ARMH4: variants seen among roughly 807,000 people sequenced by gnomAD.
The protein encoded by ARMH4 is armadillo like helical domain containing 4, also known as armadillo-like helical domain-containing protein 4.
Under a neutral mutation model 61.9 loss-of-function variants are expected in ARMH4, and 49 were observed. That is an observed-to-expected ratio of 0.79 (90% CI 0.63 to 1.00). The LOEUF is 1.00. Ranked by LOEUF, ARMH4 falls within the 50% of genes least tolerant of loss-of-function variation. The pLI, the probability that ARMH4 is intolerant of heterozygous loss-of-function variation, is 0.00. For missense variants in ARMH4, 934 were observed against 930.0 expected (o/e 1.00, Z -0.06); for synonymous variants, 368 against 341.5 (o/e 1.08, Z -0.85).
At chr14:58,147,316 G>GTTATTTTT (rs1424192920) in intron 1 of ARMH4, among the ~76,000 whole-genome samples, 1 of 132,526 alleles carries the variant, frequency 7.5e-6, no homozygotes, top group African/African-American at 2.8e-5. Flanking sequence ...AATCCAGATG[G>GTTATTTTT]TTTTTTTTTT....
At chr14:58,016,941 C>T (rs1882635401) in intron 5 of ARMH4, among the ~76,000 whole-genome samples, 1 of 152,160 alleles carries the variant, frequency 6.6e-6, no homozygotes, top group Non-Finnish European at 1.5e-5. Flanking sequence ...CTCACTCTTG[C>T]CACTTATATT....
intron 1 of ARMH4, among the ~76,000 whole-genome samples, chr14:58,151,158 T>G (rs1297286557): frequency 6.6e-6 from 1 of 152,148 alleles, no homozygotes; most frequent in East Asian, 1.9e-4. Context: ...TCTCCTCTCT[T>G]CCACATCAGT....
rs1438198514 is a variant in ARMH4, at chr14:58,152,076, T to C, written c.-58A>G. On this transcript the variant is annotated splice_region_variant and 5_prime_UTR_variant, in exon 1 of 8. Coordinates refer to ENST00000267485, the MANE Select transcript of ARMH4 (RefSeq NM_001001872.4). Reference sequence around the variant, plus strand: ...GGCCGGAGCCGGGCCCGTCCTCACCTGTGCGCCTTCAGCTGAGCAGCGCGC... The same window carrying C: ...GGCCGGAGCCGGGCCCGTCCTCACCCGTGCGCCTTCAGCTGAGCAGCGCGC... 1 of 153,626 alleles carries C rather than the reference T, an allele frequency of 6.5e-6. No homozygotes were observed. The highest frequency in any genetic ancestry group is 1.9e-4 in the East Asian group (1 of 5,190). The allele number at this position is 153,626 out of a possible 1,614,324, so 9.5% of individuals were successfully genotyped here.
chr14:58,022,914 A>G (rs935779943), intron 5 of ARMH4, among the ~76,000 whole-genome samples: 3 of 152,234 alleles, frequency 2.0e-5, no homozygotes, highest in African/African-American at 7.2e-5. Flanking sequence ...TGTCTGTAAA[A>G]GTTATATTTG....
intron 5 of ARMH4, among the ~76,000 whole-genome samples, chr14:58,057,633 G>A (rs184848752): frequency 5.9e-5 from 9 of 152,076 alleles, no homozygotes; most frequent in Non-Finnish European, 1.3e-4. Flanking sequence ...AGCGTGGCAG[G>A]TAGATGTAGT....
At chr14:58,039,093 A>C (rs1271618425) in intron 5 of ARMH4, among the ~76,000 whole-genome samples, 1 of 152,130 alleles carries the variant, frequency 6.6e-6, no homozygotes, top group East Asian at 1.9e-4. Context: ...ACCTGTGCAG[A>C]CTCATTCCTG....
chr14:58,027,814 A>C (rs1242207467), intron 5 of ARMH4, among the ~76,000 whole-genome samples: 2 of 152,170 alleles, frequency 1.3e-5, no homozygotes, highest in African/African-American at 4.8e-5. Context: ...TTGTCCCCAA[A>C]CTCATCGAGT....
intron 5 of ARMH4, among the ~76,000 whole-genome samples, chr14:58,038,549 T>G (rs981447973): frequency 1.0e-5 from 1 of 100,182 alleles, no homozygotes; most frequent in Admixed American, 9.9e-5. Flanking sequence ...ATTTAAAGTA[T>G]AATAAAAAAA....
At chr14:58,027,083 A>G (rs947409998) in intron 5 of ARMH4, among the ~76,000 whole-genome samples, 11 of 152,210 alleles carry the variant, frequency 7.2e-5, no homozygotes, top group African/African-American at 2.7e-4. Context: ...ACCAGTTCAT[A>G]ATCTTCACTC....
chr14:58,055,236 A>C (rs961740950), intron 5 of ARMH4, among the ~76,000 whole-genome samples: 17 of 152,226 alleles, frequency 1.1e-4, no homozygotes, highest in African/African-American at 3.6e-4. Context: ...CTATGGGGCC[A>C]CATTTCCTCT....
At chr14:58,053,215 C>T (rs370455743) in intron 5 of ARMH4, among the ~76,000 whole-genome samples, 1 of 152,350 alleles carries the variant, frequency 6.6e-6, no homozygotes, top group Non-Finnish European at 1.5e-5. Flanking sequence ...ACAAGACATC[C>T]TGCAGCCGGA....
At chr14:58,082,856 A>G (rs906820552) in intron 5 of ARMH4, among the ~76,000 whole-genome samples, 1 of 152,154 alleles carries the variant, frequency 6.6e-6, no homozygotes, top group Non-Finnish European at 1.5e-5. Flanking sequence ...CAGGTAAATG[A>G]TATGTACTGC....
At chr14:58,066,455 G>T (rs1489493150) in intron 5 of ARMH4, among the ~76,000 whole-genome samples, 1 of 152,126 alleles carries the variant, frequency 6.6e-6, no homozygotes, top group Non-Finnish European at 1.5e-5. Flanking sequence ...GTTTTCTTTT[G>T]GGGTGATGAA....
rs1433875708 is a variant in ARMH4, at chr14:58,138,269, G to A, written c.1090C>T (p.Gln364Ter). The A allele has an allele frequency of 3.1e-6, 5 of 1,614,120 alleles. No homozygotes were observed. The highest frequency in any genetic ancestry group is 1.7e-5 in the Admixed American group (1 of 60,010). ...EGGQPWTEAA[Q>*]VALGLPEGET... ...CCTTCAGGCAGCCCCAGAGCCACCT[G>A]TGCAGCCTCTGTCCAAGGCTGGCCT... The change falls in exon 2 of 8, where the codon CAG becomes TAG. Residue 364 changes from glutamine (Q) to a stop codon, truncating the protein, a stop_gained. Transcript: ENST00000267485. LOFTEE classifies it high-confidence loss of function.
chr14:58,017,990 T>C (rs1044199196), intron 5 of ARMH4, among the ~76,000 whole-genome samples: 1 of 152,184 alleles, frequency 6.6e-6, no homozygotes, highest in Non-Finnish European at 1.5e-5. Context: ...ATCAATTGAT[T>C]TTCAACAAAG....
chr14:58,102,812 C>T (rs1215692326), intron 4 of ARMH4, among the ~76,000 whole-genome samples: 1 of 88,246 alleles, frequency 1.1e-5, no homozygotes, highest in African/African-American at 4.7e-5. Flanking sequence ...AGCGAGACTC[C>T]GTCTCAAAAA....
At chr14:58,061,004 G>C (rs1028598641) in intron 5 of ARMH4, among the ~76,000 whole-genome samples, 1 of 152,138 alleles carries the variant, frequency 6.6e-6, no homozygotes, top group African/African-American at 2.4e-5. Context: ...GGTGACAGAA[G>C]CAGCCTGCAT....
chr14:58,129,063 C>T (rs1275335498), intron 4 of ARMH4, among the ~76,000 whole-genome samples: 2 of 152,322 alleles, frequency 1.3e-5, no homozygotes, highest in East Asian at 3.9e-4. Flanking sequence ...TATACCTTGA[C>T]TTCCAACTTG....
chr14:58,114,089 T>G (rs1422629953), intron 4 of ARMH4, among the ~76,000 whole-genome samples: 3 of 152,168 alleles, frequency 2.0e-5, no homozygotes, highest in African/African-American at 7.2e-5. Flanking sequence ...TTGTTGATAT[T>G]TTATTACAAC....
Sources: gnomAD v4.1 joint callset for allele counts (sites outside exome capture counted in the v4.1 genomes callset) on GRCh38, gnomAD v4.1.1 for gene constraint, MANE v1.5 for transcripts, NCBI Gene and HGNC (gene_info 2026-07-23, HGNC 2026-07-21) for gene names.